KCNQ1: variants seen among roughly 807,000 people sequenced by gnomAD.
KCNQ1 encodes potassium voltage-gated channel subfamily KQT member 1.
KCNQ1 carries 49 observed loss-of-function variants against 72.4 expected under a neutral mutation model. That is an observed-to-expected ratio of 0.68 (90% CI 0.54 to 0.86). The LOEUF (loss-of-function observed/expected upper bound fraction) is 0.86. KCNQ1 is among the 40% of genes least tolerant of loss of function. The pLI, the probability that KCNQ1 is intolerant of heterozygous loss-of-function variation, is 0.00. For missense variants in KCNQ1, 790 were observed against 945.1 expected, an observed-to-expected ratio of 0.84 and a Z score of 2.15; for synonymous variants, 450 against 412.6, an observed-to-expected ratio of 1.09 and a Z score of -1.10.
chr11:2,747,569 T>C (rs1459351570), intron 11 of KCNQ1, among the ~76,000 whole-genome samples: 1 of 152,106 alleles, frequency 6.6e-6, no homozygotes, highest in Non-Finnish European at 1.5e-5. Context: ...AATACGGCCA[T>C]GAGAAAGACA....
chr11:2,553,084 C>T (rs950836253), intron 2 of KCNQ1, among the ~76,000 whole-genome samples: 1 of 151,226 alleles, frequency 6.6e-6, no homozygotes, highest in African/African-American at 2.4e-5. Flanking sequence ...GTATATTAAC[C>T]TTGCGTCCTG....
At chr11:2,802,534 C>T (rs1847288128) in intron 15 of KCNQ1, among the ~76,000 whole-genome samples, 1 of 152,210 alleles carries the variant, frequency 6.6e-6, no homozygotes, top group Non-Finnish European at 1.5e-5. Flanking sequence ...TAAAGTTCTG[C>T]TCTCTGGGGA....
chr11:2,580,293 G>A (rs1004409506), intron 6 of KCNQ1, among the ~76,000 whole-genome samples: 2 of 151,988 alleles, frequency 1.3e-5, no homozygotes, highest in African/African-American at 4.8e-5. Context: ...TTGGTCTCAG[G>A]GCCCCTTGGT....
At chr11:2,520,383 T>TG (rs1452396636) in intron 1 of KCNQ1, among the ~76,000 whole-genome samples, 1 of 152,198 alleles carries the variant, frequency 6.6e-6, no homozygotes, top group Non-Finnish European at 1.5e-5. Context: ...CTCACCCCTT[T>TG]GGGAGGGGTC....
rs146736318 is a variant in KCNQ1 at position 2,767,846 on chromosome 11, G to A, written c.1515-998G>A. ...CAAGTGTTTCCAGAGGAAGTTGTGT[G>A]AAAGGTGGCTAGAGGACCAGAATCT... is the stretch of plus-strand genomic sequence containing the variant. On this transcript the variant is annotated intron_variant, in intron 11 of 15. Coordinates refer to ENST00000155840, the MANE Select transcript of KCNQ1 (RefSeq NM_000218.3). The surrounding 1 kb of genome is among the most constrained non-coding windows in gnomAD (Gnocchi z 4.6). 1.3e-5 allele frequency among the ~76,000 whole-genome samples: 2 copies of A among 152,334 alleles called. No individual in the cohort carries two copies. The highest frequency in any genetic ancestry group is 4.8e-5 in the African/African-American group (2 of 41,570).
At chr11:2,607,515 C>CT (rs925950743) in intron 10 of KCNQ1, among the ~76,000 whole-genome samples, 1 of 152,068 alleles carries the variant, frequency 6.6e-6, no homozygotes, top group African/African-American at 2.4e-5. Flanking sequence ...CAGTGAGCTC[C>CT]TTTTTTTCTT....
At position 2,668,689 on chromosome 11, in the gene KCNQ1, C is replaced by A; in HGVS notation, c.1514+6608C>A. On this transcript the variant is annotated intron_variant, in intron 11 of 15. Transcript: ENST00000155840. This position sits in a 1 kb window ranked among gnomAD's most constrained non-coding sequence, Gnocchi z 4.3. ...GAGTCATTTGTCAGAGAGAGAGATA[C>A]ACACACTCACACTCTCTCACAGACA... is the stretch of plus-strand genomic sequence containing the variant. The A allele has an allele frequency of 2.5e-6, 1 of 398,544 alleles. No individual in the cohort carries two copies. Among genetic ancestry groups the A allele is most frequent in the Non-Finnish European group, 4.4e-6 (1 of 226,050 alleles). The allele number at this position is 398,544 out of a possible 1,614,324, so 24.7% of individuals were successfully genotyped here. A position where few individuals can be genotyped will look rare whatever the true frequency, so the allele number is the denominator to read the frequency against.
At position 2,719,709 on chromosome 11, in the gene KCNQ1, C is replaced by T. The variant is rs569515772; in HGVS notation, c.1515-49135C>T. 2.6e-5 allele frequency among the ~76,000 whole-genome samples: 4 copies of T among 152,276 alleles called. No individual in the cohort carries two copies. In the East Asian group the frequency reaches 7.7e-4, roughly 29 times the overall value. On this transcript the variant is annotated intron_variant, in intron 11 of 15. Coordinates refer to ENST00000155840, the MANE Select transcript of KCNQ1 (RefSeq NM_000218.3). ...GCAGGACAGTGTAGGAAGTCCTGCCCTCGGATCATTTGGGGAAATTGGCAC... is the reference window on the plus strand; with the variant it reads ...GCAGGACAGTGTAGGAAGTCCTGCCTTCGGATCATTTGGGGAAATTGGCAC...
rs1848914034 is a variant in KCNQ1 at position 2,608,310 on chromosome 11, C to T, written c.1393+19456C>T. 2.5e-6 allele frequency: 1 copy of T among 398,340 alleles called. No homozygotes were observed. The highest frequency in any genetic ancestry group is 3.6e-5 in the East Asian group (1 of 28,038). The allele number at this position is 398,340 out of a possible 1,614,324, so 24.7% of individuals were successfully genotyped here. Reference sequence around the variant, plus strand: ...CTTTAACTTATTACAGATCCATTCACATTTTCTACTTATTTCTTAGTCAGT... The same window carrying T: ...CTTTAACTTATTACAGATCCATTCATATTTTCTACTTATTTCTTAGTCAGT... On this transcript the variant is annotated intron_variant, in intron 10 of 15. Transcript: ENST00000155840. The surrounding 1 kb of genome is among the most constrained non-coding windows in gnomAD (Gnocchi z 4.6).
rs59766245 is a variant in KCNQ1 at position 2,523,751 on chromosome 11, GTTT to G, written c.387-4159_387-4157del. Among the ~76,000 whole-genome samples the G allele has an allele frequency of 2.6e-3, 296 of 115,144 alleles. 1 individual carries two copies. Among genetic ancestry groups the G allele is most frequent in the African/African-American group, 9.1e-3 (269 of 29,500 alleles). 75.5% of individuals were successfully genotyped at this position (115,144 alleles called of 152,430 possible). A position where few individuals can be genotyped will look rare whatever the true frequency, so the allele number is the denominator to read the frequency against. ...GCCTCTGCCTTGGAGGAAGTTTACAGTTTTTTTTTTTTTTTTTTTTGAAAGTTT... is the reference window on the plus strand; with the variant it reads ...GCCTCTGCCTTGGAGGAAGTTTACAGTTTTTTTTTTTTTTTTTGAAAGTTT... On this transcript the variant is annotated intron_variant, in intron 1 of 15. Transcript: ENST00000155840.
Position 2,460,268 on chromosome 11 carries a change from C to T in KCNQ1, c.386+14784C>T, listed in dbSNP as rs151257691. Among the ~76,000 whole-genome samples, 1,154 of 152,340 alleles carry T rather than the reference C, an allele frequency of 7.6e-3. 6 individuals carry two copies. Among genetic ancestry groups the T allele is most frequent in the Middle Eastern group, 0.027 (8 of 294 alleles). The stretch of plus-strand genomic sequence containing the variant: ...GCCGGGCAGGGTGGCTGCAGGGCGG[C>T]GGAGCCTGTGCTGCTGGCCTGCATT... On this transcript the variant is annotated intron_variant, in intron 1 of 15. Coordinates refer to ENST00000155840, the MANE Select transcript of KCNQ1 (RefSeq NM_000218.3).
Position 2,711,723 on chromosome 11 carries a change from A to G in KCNQ1, c.1514+49642A>G, listed in dbSNP as rs1851011801. 6.6e-6 allele frequency among the ~76,000 whole-genome samples: 1 copy of G among 152,216 alleles called. No homozygotes were observed. The highest frequency in any genetic ancestry group is 2.4e-5 in the African/African-American group (1 of 41,450). On this transcript the variant is annotated intron_variant, in intron 11 of 15. Transcript: ENST00000155840. This position sits in a 1 kb window ranked among gnomAD's most constrained non-coding sequence, Gnocchi z 5.4. ...AAGTGAGGTATCTTAAGGCTTTACC[A>G]CCAGGGAAATAGAACTTTGGCAGCT... is the stretch of plus-strand genomic sequence containing the variant.
rs1010004448 is a variant in KCNQ1 at position 2,715,737 on chromosome 11, T to C, written c.1515-53107T>C. Among the ~76,000 whole-genome samples, 4 of 152,208 alleles carry C rather than the reference T, an allele frequency of 2.6e-5. No homozygotes were observed. The highest frequency in any genetic ancestry group is 9.6e-5 in the African/African-American group (4 of 41,468). On this transcript the variant is annotated intron_variant, in intron 11 of 15. Coordinates refer to ENST00000155840, the MANE Select transcript of KCNQ1 (RefSeq NM_000218.3). This position sits in a 1 kb window ranked among gnomAD's most constrained non-coding sequence, Gnocchi z 4.9. ...TCTGGGGCACCCTCATATCACACCC[T>C]GTCCCTCTGGCCACATTCCAGCTGG...
chr11:2,840,953 T>C (rs1225543601), intron 15 of KCNQ1, among the ~76,000 whole-genome samples: 2 of 151,972 alleles, frequency 1.3e-5, no homozygotes, highest in Admixed American at 1.3e-4. Flanking sequence ...CCTCCATGTA[T>C]TTACTGGGCA....
At chr11:2,553,534 T>C (rs1848021284) in intron 2 of KCNQ1, among the ~76,000 whole-genome samples, 1 of 152,214 alleles carries the variant, frequency 6.6e-6, no homozygotes, top group South Asian at 2.1e-4. Context: ...AATCATATCA[T>C]TTGCAACAAT....
At chr11:2,622,501 G>A (rs1315961115) in intron 10 of KCNQ1, 8 of 398,218 alleles carry the variant, frequency 2.0e-5, no homozygotes, top group Non-Finnish European at 3.5e-5. Context: ...AATCCATTCT[G>A]CCAACCTCTG....
At chr11:2,570,852 G>A in intron 3 of KCNQ1, 98 bp downstream of exon 3, 1 of 1,554,610 alleles carries the variant, frequency 6.4e-7, no homozygotes, top group Non-Finnish European at 8.8e-7. Context: ...CCTAAGGACT[G>A]GGGAACCCCA....
intron 2 of KCNQ1, among the ~76,000 whole-genome samples, chr11:2,570,170 T>G (rs535335541): frequency 7.1e-6 from 1 of 140,906 alleles, no homozygotes; most frequent in East Asian, 1.9e-4. Context: ...AAGCTGGGGT[T>G]CCTGGTGTGG....
intron 15 of KCNQ1, among the ~76,000 whole-genome samples, chr11:2,786,828 A>C (rs1034310622): frequency 1.3e-5 from 2 of 152,140 alleles, no homozygotes; most frequent in African/African-American, 4.8e-5. Flanking sequence ...GAAGTGTATT[A>C]AATATGGCTA....
Sources: allele counts gnomAD v4.1 joint callset (sites outside exome capture counted in the v4.1 genomes callset), GRCh38; gene constraint gnomAD v4.1.1; non-coding constraint Gnocchi (gnomAD v3.1); transcripts MANE v1.5; gene names NCBI Gene and HGNC (gene_info 2026-07-23, HGNC 2026-07-21).